The following NUDT21 variants were observed in gnomAD, a reference collection of about 807,000 sequenced individuals.
The protein encoded by NUDT21 is nudix hydrolase 21.
Under a neutral mutation model 29.8 loss-of-function variants are expected in NUDT21, and 5 were observed. That is an observed-to-expected ratio of 0.17 (90% CI 0.09 to 0.35). The LOEUF (loss-of-function observed/expected upper bound fraction) is 0.35, where lower values mean the gene tolerates loss of function less well. Among genes scored for constraint, NUDT21 ranks in the 10% least tolerant of loss-of-function variants. The probability of loss-of-function intolerance (pLI) is 1.00; values close to 1 mark genes in which losing one functional copy is unlikely to be tolerated. For missense variants in NUDT21, 76 were observed against 276.0 expected (o/e 0.28, Z 5.13); for synonymous variants, 113 against 98.5 (o/e 1.15, Z -0.87).
At position 56,451,130 on chromosome 16, in the gene NUDT21, T is replaced by G. The variant is rs1962307648; in HGVS notation, c.73A>C (p.Ile25Leu). 3.7e-6 allele frequency: 6 copies of G among 1,613,714 alleles called. No homozygotes were observed. The highest frequency in any genetic ancestry group is 5.1e-6 in the Non-Finnish European group (6 of 1,179,814). ...AGGGTGAGGGGCTTCGTCTGCTGGA[T>G]GTACTTGTTGCCGAACTGAGTGACC... ...RGVTQFGNKYIQQTKPLTLER... is the reference protein window; with the variant it reads ...RGVTQFGNKYLQQTKPLTLER... The change falls in exon 1 of 7, where the codon ATC becomes CTC. Residue 25 changes from isoleucine to leucine, a missense_variant. By Grantham distance (5) the Ile-to-Leu change is conservative. This residue lies in a region of NUDT21 where 20 missense variants were observed against 26.3 expected (regional missense o/e 0.76). Coordinates refer to ENST00000300291, the MANE Select transcript of NUDT21 (RefSeq NM_007006.3).
intron 4 of NUDT21, among the ~76,000 whole-genome samples, chr16:56,437,288 G>T (rs1296812281): frequency 6.6e-6 from 1 of 152,076 alleles, no homozygotes; most frequent in African/African-American, 2.4e-5. Flanking sequence ...AAAGTCATAG[G>T]GCTTTTTAAT....
chr16:56,434,306 C>T (rs200077561), intron 6 of NUDT21, 25 bp downstream of exon 6: 1 of 1,480,748 alleles, frequency 6.8e-7, no homozygotes, highest in Non-Finnish European at 9.4e-7. Context: ...TATGGATGAA[C>T]CAAAAAATGT....
At chr16:56,435,913 G>A (rs887582839) in intron 4 of NUDT21, among the ~76,000 whole-genome samples, 3 of 145,982 alleles carry the variant, frequency 2.1e-5, no homozygotes, top group African/African-American at 5.0e-5. Context: ...AAACCTCCCC[G>A]TATGCCAAGG....
At chr16:56,441,659 T>A (rs1962161215) in intron 3 of NUDT21, among the ~76,000 whole-genome samples, 1 of 152,234 alleles carries the variant, frequency 6.6e-6, no homozygotes. Flanking sequence ...TTATCAATAT[T>A]TGGTTAAGTC....
chr16:56,429,634 CA>C lies in NUDT21; in HGVS notation c.*3077del, dbSNP rs1220314659. On this transcript the variant is annotated 3_prime_UTR_variant, in exon 7 of 7. Transcript: ENST00000300291. Reference sequence around the variant, plus strand: ...TGCTTGAAATGAGTCCAGTTTAACCCAAATAATCAGTGATGTATAACAAGTG... The same window carrying C: ...TGCTTGAAATGAGTCCAGTTTAACCCAATAATCAGTGATGTATAACAAGTG... 1 of 152,118 alleles carries C rather than the reference CA, an allele frequency of 6.6e-6. No individual in the cohort carries two copies. The highest frequency in any genetic ancestry group is 1.5e-5 in the Non-Finnish European group (1 of 68,024). The allele number at this position is 152,118 out of a possible 1,614,324, so 9.4% of individuals were successfully genotyped here.
intron 2 of NUDT21, among the ~76,000 whole-genome samples, chr16:56,447,445 T>C (rs1340739443): frequency 1.3e-5 from 2 of 152,230 alleles, no homozygotes; most frequent in Non-Finnish European, 2.9e-5. Context: ...CTAAGTCATC[T>C]TAAGAACAGG....
intron 2 of NUDT21, among the ~76,000 whole-genome samples, chr16:56,447,228 C>CT (rs1282023955): frequency 2.0e-5 from 3 of 152,192 alleles, no homozygotes; most frequent in African/African-American, 7.2e-5. Flanking sequence ...TCTCTGGGAG[C>CT]TATCTGATGA....
chr16:56,451,128 G>C lies in NUDT21; in HGVS notation c.75C>G (p.Ile25Met), dbSNP rs756716223. Residue 25 changes from isoleucine (I) to methionine (M), a missense_variant, in exon 1 of 7, where the codon ATC becomes ATG. Physicochemically the swap from Ile to Met is conservative, Grantham distance 10. Coordinates refer to ENST00000300291, the MANE Select transcript of NUDT21 (RefSeq NM_007006.3). ...RGVTQFGNKY[I>M]QQTKPLTLER... ...CCAGGGTGAGGGGCTTCGTCTGCTG[G>C]ATGTACTTGTTGCCGAACTGAGTGA... The C allele has an allele frequency of 4.3e-6, 7 of 1,613,818 alleles. No individual in the cohort carries two copies. Among genetic ancestry groups the C allele is most frequent in the Non-Finnish European group, 5.9e-6 (7 of 1,179,852 alleles).
chr16:56,444,620 C>CAAAAA (rs376261802), intron 3 of NUDT21, among the ~76,000 whole-genome samples: 1 of 111,020 alleles, frequency 9.0e-6, no homozygotes, highest in African/African-American at 3.3e-5. Context: ...AAAACAAAAA[C>CAAAAA]AAAAAAAAAA....
At chr16:56,450,531 G>A (rs565133483) in intron 1 of NUDT21, among the ~76,000 whole-genome samples, 1 of 152,142 alleles carries the variant, frequency 6.6e-6, no homozygotes, top group Non-Finnish European at 1.5e-5. Context: ...ATAAGGCATG[G>A]GGCAGGGCAG....
At position 56,430,726 on chromosome 16, in the gene NUDT21, T is replaced by G. The variant is rs1203057443; in HGVS notation, c.*1986A>C. ...ACCTGTAACTGACCAGAGCAAAAAG[T>G]TTTTAAGACTTCCGTTTGTGTGTTG... On this transcript the variant is annotated 3_prime_UTR_variant, in exon 7 of 7. Coordinates refer to ENST00000300291, the MANE Select transcript of NUDT21 (RefSeq NM_007006.3). The G allele has an allele frequency of 1.3e-5, 2 of 152,142 alleles. No homozygotes were observed. The highest frequency in any genetic ancestry group is 1.3e-4 in the Admixed American group (2 of 15,278). The allele number at this position is 152,142 out of a possible 1,614,324, so 9.4% of individuals were successfully genotyped here.
Position 56,432,227 on chromosome 16 carries a change from C to G in NUDT21, c.*485G>C, listed in dbSNP as rs1004932290. ...CAACACAATTCATTTAGGAGTTGCA[C>G]CTTGGACTCACTCAGATAAATATAG... On this transcript the variant is annotated 3_prime_UTR_variant, in exon 7 of 7. Transcript: ENST00000300291. 6.5e-6 allele frequency: 1 copy of G among 153,340 alleles called. No individual in the cohort carries two copies. Among genetic ancestry groups the G allele is most frequent in the Non-Finnish European group, 1.5e-5 (1 of 68,870 alleles). 9.5% of individuals were successfully genotyped at this position (153,340 alleles called of 1,614,324 possible).
At chr16:56,445,804 T>C (rs2143943677) in intron 3 of NUDT21, among the ~76,000 whole-genome samples, 1 of 152,356 alleles carries the variant, frequency 6.6e-6, no homozygotes, top group Admixed American at 6.5e-5. Flanking sequence ...TCAACCTTAA[T>C]GGACTTATAT....
At chr16:56,444,668 T>C (rs1236646009) in intron 3 of NUDT21, among the ~76,000 whole-genome samples, 3 of 148,870 alleles carry the variant, frequency 2.0e-5, no homozygotes, top group East Asian at 3.9e-4. Flanking sequence ...GTCAGCCTAA[T>C]AGAGGTCCAA....
chr16:56,440,869 G>A (rs1962152315), intron 3 of NUDT21, among the ~76,000 whole-genome samples: 1 of 151,976 alleles, frequency 6.6e-6, no homozygotes, highest in South Asian at 2.1e-4. Flanking sequence ...CTCCGGAGTA[G>A]GTGGGATTAC....
At chr16:56,450,994 A>T (rs569899598) in intron 1 of NUDT21, 93 bp downstream of exon 1, 1 of 1,023,408 alleles carries the variant, frequency 9.8e-7, no homozygotes, top group East Asian at 2.5e-5. Context: ...GGAGGTGCAG[A>T]GGCGTGAAGC....
rs1273618143 is a variant in NUDT21, at chr16:56,429,229, CA to C, written c.*3482del. ...TACTTTACAAATATAAAAATATAAC[CA>C]AAACTTGTTTCTTTTATACATTTGC... On this transcript the variant is annotated 3_prime_UTR_variant, in exon 7 of 7. Transcript: ENST00000300291. The C allele has an allele frequency of 1.3e-5, 2 of 152,066 alleles. No homozygotes were observed. The highest frequency in any genetic ancestry group is 2.4e-5 in the African/African-American group (1 of 41,398). 9.4% of individuals were successfully genotyped at this position (152,066 alleles called of 1,614,324 possible).
intron 4 of NUDT21, 115 bp downstream of exon 4, chr16:56,439,542 G>C (rs1345936244): frequency 6.6e-6 from 5 of 754,426 alleles, no homozygotes; most frequent in Non-Finnish European, 1.2e-5. Flanking sequence ...TTTAAATTAA[G>C]GAGGGAAGAA....
chr16:56,449,077 T>C (rs1046320121), intron 1 of NUDT21: 2 of 152,158 alleles, frequency 1.3e-5, no homozygotes, highest in Admixed American at 6.5e-5. Context: ...TCTAAAACCA[T>C]CATCCATAGC....
Sources: allele counts gnomAD v4.1 joint callset (sites outside exome capture counted in the v4.1 genomes callset), GRCh38; gene constraint gnomAD v4.1.1; regional missense constraint gnomAD v4.1.1; transcripts MANE v1.5; gene names NCBI Gene and HGNC (gene_info 2026-07-23, HGNC 2026-07-21).